The following NOC2L variants were observed in gnomAD, a reference collection of about 807,000 sequenced individuals.
The protein encoded by NOC2L is nucleolar complex protein 2 homolog.
Under a neutral mutation model 94.2 loss-of-function variants are expected in NOC2L, and 101 were observed. The ratio of observed to expected loss-of-function variants is 1.07; its 90% CI spans 0.91 to 1.26. NOC2L has a LOEUF of 1.26. NOC2L is among the 50% of genes most tolerant of loss of function. The pLI is 0.00. For missense variants in NOC2L, 1,076 were observed against 980.1 expected (o/e 1.10, Z -1.31); for synonymous variants, 531 against 413.4 (o/e 1.28, Z -3.45).
intron 16 of NOC2L, among the ~76,000 whole-genome samples, 182 bp downstream of exon 16, chr1:945,991 G>C (rs558451662): frequency 6.6e-6 from 1 of 152,202 alleles, no homozygotes; most frequent in Non-Finnish European, 1.5e-5. Context: ...TCCCCTCCCT[G>C]GAAACGCCTG....
At chr1:946,727 C>T (rs1642128044) in intron 14 of NOC2L, 182 bp from the exon 15 acceptor site, 9 of 670,226 alleles carry the variant, frequency 1.3e-5, no homozygotes, top group African/African-American at 7.2e-5. Flanking sequence ...AATCAGCCCA[C>T]CCTCTGGGCC....
At chr1:948,411 A>G in intron 13 of NOC2L, 79 bp downstream of exon 13, 2 of 1,164,194 alleles carry the variant, frequency 1.7e-6, no homozygotes. Context: ...GGAGGATGCC[A>G]GCCCCCTCCC....
intron 18 of NOC2L, 63 bp from the exon 19 acceptor site, chr1:944,863 T>TGA (rs1642048102): frequency 1.5e-6 from 2 of 1,291,824 alleles, no homozygotes. Flanking sequence ...GCCTTAGAGG[T>TGA]TACTCATCAC....
At chr1:955,841 T>G in intron 6 of NOC2L, 82 bp downstream of exon 6, 1 of 1,202,634 alleles carries the variant, frequency 8.3e-7, no homozygotes, top group South Asian at 1.3e-5. Context: ...GTCTCTGTCC[T>G]AGCCACAAGG....
chr1:944,916 G>T, intron 18 of NOC2L, 116 bp from the exon 19 acceptor site: 2 of 1,419,024 alleles, frequency 1.4e-6, no homozygotes, highest in Non-Finnish European at 1.9e-6. Flanking sequence ...GTTGCTGGCT[G>T]CCAGAGAACA....
intron 10 of NOC2L, 130 bp from the exon 11 acceptor site, chr1:952,269 C>A (rs958034629): frequency 2.1e-6 from 3 of 1,397,674 alleles, no homozygotes; most frequent in Non-Finnish European, 2.0e-6. Flanking sequence ...ACCCTTCCCC[C>A]ACCTGCAAGG....
chr1:957,064 A>G, intron 3 of NOC2L, 35 bp downstream of exon 3: 1 of 1,613,996 alleles, frequency 6.2e-7, no homozygotes, highest in African/African-American at 1.3e-5. Context: ...GTGTAGAGAC[A>G]AGTGCCCCCC....
chr1:951,096 G>A (rs1642248895), intron 12 of NOC2L, 31 bp downstream of exon 12: 1 of 1,489,958 alleles, frequency 6.7e-7, no homozygotes, highest in Non-Finnish European at 9.2e-7. Context: ...AGCAGGCAGA[G>A]GTGCCACACG....
rs754362257 is a variant in NOC2L at position 953,827 on chromosome 1, C to T, written c.843G>A (p.Val281=). 1.9e-6 allele frequency: 3 copies of T among 1,613,078 alleles called. No homozygotes were observed. The highest frequency in any genetic ancestry group is 2.5e-6 in the Non-Finnish European group (3 of 1,180,016). ...GCTTGGGGAAGGTCAGGAAGCAGGG[C>T]ACCAGCACGCTGATGTGCCGCAGCA... ...AAVLRHISVL[V]PCFLTFPKQC... Residue 281 remains valine, a synonymous_variant, in exon 8 of 19, where the codon GTG becomes GTA. Coordinates refer to ENST00000327044, the MANE Select transcript of NOC2L (RefSeq NM_015658.4).
chr1:949,891 C>A (rs998946635), intron 12 of NOC2L, among the ~76,000 whole-genome samples: 10 of 152,208 alleles, frequency 6.6e-5, no homozygotes, highest in African/African-American at 1.7e-4. Context: ...GGGGACCCAG[C>A]CCCAAGGACA....
chr1:958,906 TG>T (rs749337693), intron 2 of NOC2L, 22 bp downstream of exon 2: 11 of 1,612,582 alleles, frequency 6.8e-6, no homozygotes, highest in Non-Finnish European at 9.3e-6. Context: ...CAAGAGGTTC[TG>T]CTCACGCATG....
intron 6 of NOC2L, among the ~76,000 whole-genome samples, chr1:955,665 T>G (rs1642381402): frequency 6.6e-6 from 1 of 152,186 alleles, no homozygotes; most frequent in South Asian, 2.1e-4. Flanking sequence ...CAAAGGCAGC[T>G]GCACACGCCA....
Position 954,045 on chromosome 1 carries a change from G to T in NOC2L, c.736C>A (p.Leu246Ile), listed in dbSNP as rs767479478. 10 of 1,609,192 alleles carry T rather than the reference G, an allele frequency of 6.2e-6. No individual in the cohort carries two copies. Among genetic ancestry groups the T allele is most frequent in the Non-Finnish European group, 8.5e-6 (10 of 1,176,756 alleles). ...QPSSSPLWGK[L>I]RVDIKAYLGS... ...AGGTAAGCCTTGATGTCCACACGAA[G>T]CTTCCCCCAGAGCGGGCTGCTGGAC... The change falls in exon 7 of 19, where the codon CTT (leucine) becomes ATT (isoleucine). Residue 246 changes from leucine to isoleucine, a missense_variant. By Grantham distance (5) the Leu-to-Ile change is conservative. Transcript: ENST00000327044.
At chr1:947,357 G>A (rs555662410) in intron 14 of NOC2L, among the ~76,000 whole-genome samples, 4 of 152,210 alleles carry the variant, frequency 2.6e-5, no homozygotes, top group Non-Finnish European at 5.9e-5. Flanking sequence ...CTGTGCATGT[G>A]ACATGTGTGG....
At position 953,266 on chromosome 1, in the gene NOC2L, G is replaced by C; in HGVS notation, c.911C>G (p.Thr304Ser). ...CAGCACCCGCAGAGACTCTTCCCCAGTGCTCCATACGATCACCATTCTCTG... is the reference window on the plus strand; with the variant it reads ...CAGCACCCGCAGAGACTCTTCCCCACTGCTCCATACGATCACCATTCTCTG... Reference protein sequence around the residue: ...LLKRMVIVWSTGEESLRVLAF... With the variant: ...LLKRMVIVWSSGEESLRVLAF... The change falls in exon 9 of 19, where the codon ACT becomes AGT. Residue 304 changes from threonine to serine, a missense_variant. By Grantham distance (58) the Thr-to-Ser change is moderately conservative (BLOSUM62 1). Coordinates refer to ENST00000327044, the MANE Select transcript of NOC2L (RefSeq NM_015658.4). 6.2e-7 allele frequency: 1 copy of C among 1,604,574 alleles called. No individual in the cohort carries two copies. Among genetic ancestry groups the C allele is most frequent in the African/African-American group, 1.3e-5 (1 of 74,876 alleles).
At chr1:950,444 C>T (rs1384517678) in intron 12 of NOC2L, among the ~76,000 whole-genome samples, 1 of 151,950 alleles carries the variant, frequency 6.6e-6, no homozygotes, top group Non-Finnish European at 1.5e-5. Context: ...CAGGTGCACA[C>T]AGGTACACAC....
rs1281802360 is a variant in NOC2L, at chr1:954,090, G to A, written c.699-8C>T. 7 of 1,611,302 alleles carry A rather than the reference G, an allele frequency of 4.3e-6. No homozygotes were observed. Among genetic ancestry groups the A allele is most frequent in the Admixed American group, 1.7e-5 (1 of 59,740 alleles). ...CTGGACGGCTGCAGCATCCTGCAGA[G>A]AGACCACCCACCCCTGGCTGGGAGG... is the stretch of plus-strand genomic sequence containing the variant. On this transcript the variant is annotated splice_polypyrimidine_tract_variant and splice_region_variant and intron_variant, in intron 6 of 18. Coordinates refer to ENST00000327044, the MANE Select transcript of NOC2L (RefSeq NM_015658.4).
chr1:951,077 C>T (rs1366573196), intron 12 of NOC2L, 50 bp downstream of exon 12: 2 of 1,399,102 alleles, frequency 1.4e-6, no homozygotes, highest in Admixed American at 3.9e-5. Flanking sequence ...AGCAGATGCT[C>T]CCTACAGGAG....
In NOC2L at chr1:955,980, T is replaced by A. The variant is rs752332265; in HGVS notation, c.641A>T (p.Asp214Val). The change falls in exon 6 of 19, where the codon GAC (aspartate) becomes GTC (valine). Residue 214 changes from aspartate to valine, a missense_variant. Coordinates refer to ENST00000327044, the MANE Select transcript of NOC2L (RefSeq NM_015658.4). Reference protein sequence around the residue: ...FNALVTFCIRDLIGCLQKLLF... With the variant: ...FNALVTFCIRVLIGCLQKLLF... The stretch of plus-strand genomic sequence containing the variant: ...CAGCTTCTGGAGACAGCCAATGAGG[T>A]CTCTGATGCAGAAGGTAACCAGAGC... 2 of 1,612,292 alleles carry A rather than the reference T, an allele frequency of 1.2e-6. No individual in the cohort carries two copies. The highest frequency in any genetic ancestry group is 1.7e-6 in the Non-Finnish European group (2 of 1,179,726).
Sources: gnomAD v4.1 joint callset for allele counts (sites outside exome capture counted in the v4.1 genomes callset) on GRCh38, gnomAD v4.1.1 for gene constraint, MANE v1.5 for transcripts, NCBI Gene and HGNC (gene_info 2026-07-23, HGNC 2026-07-21) for gene names.